Variants in ZNF362 observed in about 807,000 individuals in gnomAD.
The protein encoded by ZNF362 is rotund homolog.
In ZNF362, 11 loss-of-function variants were observed where a neutral mutation model predicts 42.9. That is an observed-to-expected ratio of 0.26 (90% CI 0.16 to 0.42). The LOEUF (loss-of-function observed/expected upper bound fraction) is 0.42, where lower values mean the gene tolerates loss of function less well. ZNF362 is among the 20% of genes least tolerant of loss of function. ZNF362 has a pLI of 1.00. For synonymous variants in ZNF362, 255 were observed against 257.3 expected, an observed-to-expected ratio of 0.99 and a Z score of 0.09; for missense variants, 362 against 576.2, an observed-to-expected ratio of 0.63 and a Z score of 3.81.
the ZNF362 span, among the ~76,000 whole-genome samples, chr1:33,232,578 T>A: frequency 6.6e-6 from 1 of 152,196 alleles, no homozygotes; most frequent in African/African-American, 2.4e-5. Context: ...CATTTTTCAC[T>A]GGACATTGTC....
chr1:33,241,696 A>T, the ZNF362 span, among the ~76,000 whole-genome samples: 2 of 152,180 alleles, frequency 1.3e-5, no homozygotes, highest in Admixed American at 6.5e-5. Context: ...ATCTCAAAGA[A>T]GAGAGTTGAG....
At chr1:33,161,140 T>G in the ZNF362 span, among the ~76,000 whole-genome samples, 1 of 152,162 alleles carries the variant, frequency 6.6e-6, no homozygotes, top group Non-Finnish European at 1.5e-5. The surrounding 1 kb of genome is among the most constrained non-coding windows in gnomAD (Gnocchi z 4.3). Context: ...TGAGGGGGTG[T>G]TGTTGTGCGC....
At chr1:33,182,656 A>C in the ZNF362 span, among the ~76,000 whole-genome samples, 1 of 150,452 alleles carries the variant, frequency 6.6e-6, no homozygotes, top group Non-Finnish European at 1.5e-5. Flanking sequence ...GGGGTGGAGC[A>C]GGAGAGAGGG....
the ZNF362 span, among the ~76,000 whole-genome samples, chr1:33,162,455 A>G: frequency 6.6e-6 from 1 of 152,090 alleles, no homozygotes; most frequent in Admixed American, 6.5e-5. Context: ...ATTGTCCCAC[A>G]TTTTCTGTCT....
At chr1:33,263,924 G>A (rs1016812277) in intron 1 of ZNF362, among the ~76,000 whole-genome samples, 1 of 152,134 alleles carries the variant, frequency 6.6e-6, no homozygotes, top group Non-Finnish European at 1.5e-5. Flanking sequence ...CCTGTTCCCC[G>A]CGAGCCATTT....
At chr1:33,291,058 C>T (rs1335050179) in intron 6 of ZNF362, among the ~76,000 whole-genome samples, 1 of 152,148 alleles carries the variant, frequency 6.6e-6, no homozygotes, top group Non-Finnish European at 1.5e-5. Flanking sequence ...TGCAGAAACT[C>T]TTTAGTTTAA....
chr1:33,174,116 C>G, the ZNF362 span, among the ~76,000 whole-genome samples: 1 of 149,556 alleles, frequency 6.7e-6, no homozygotes, highest in African/African-American at 2.5e-5. Flanking sequence ...TCTTTTCCCC[C>G]CTTTCTTCTT....
chr1:33,279,844 A>C (rs1470574083), intron 4 of ZNF362, among the ~76,000 whole-genome samples: 1 of 152,200 alleles, frequency 6.6e-6, no homozygotes. Flanking sequence ...GTTGCCTCTA[A>C]AATTTTGCTG....
the ZNF362 span, chr1:33,147,475 C>G: frequency 6.2e-7 from 1 of 1,613,934 alleles, no homozygotes; most frequent in Non-Finnish European, 8.5e-7. This position sits in a 1 kb window ranked among gnomAD's most constrained non-coding sequence, Gnocchi z 8.1. Context: ...GATCTGGATG[C>G]TGCCCTTGCG....
chr1:33,218,930 C>G, the ZNF362 span, among the ~76,000 whole-genome samples: 1 of 67,312 alleles, frequency 1.5e-5, no homozygotes, highest in Non-Finnish European at 2.8e-5. Context: ...AGGAGCTGGA[C>G]ATACACACAC....
At chr1:33,272,750 T>C (rs866691992) in intron 2 of ZNF362, among the ~76,000 whole-genome samples, 1 of 152,090 alleles carries the variant, frequency 6.6e-6, no homozygotes, top group Non-Finnish European at 1.5e-5. Context: ...CCTGCCACCT[T>C]CTCACCACCA....
At chr1:33,173,716 A>G in the ZNF362 span, among the ~76,000 whole-genome samples, 6 of 149,766 alleles carry the variant, frequency 4.0e-5, no homozygotes, top group South Asian at 1.3e-3. Flanking sequence ...AAATTTTTTT[A>G]GAGACAAGGG....
At chr1:33,268,694 G>A (rs558265805) in intron 1 of ZNF362, among the ~76,000 whole-genome samples, 1 of 152,282 alleles carries the variant, frequency 6.6e-6, no homozygotes, top group South Asian at 2.1e-4. Flanking sequence ...GCCTGTGGAA[G>A]GTGAGAAGGG....
At position 33,280,449 on chromosome 1, in the gene ZNF362, G is replaced by T. The variant is rs1222019151; in HGVS notation, c.675G>T (p.Lys225Asn). The T allele has an allele frequency of 1.9e-6, 3 of 1,592,464 alleles. No individual in the cohort carries two copies. The Admixed American group carries it at 5.2e-5, about 28-fold the overall frequency. Residue 225 changes from lysine to asparagine, a missense_variant, in exon 5 of 9, where the codon AAG becomes AAT. By Grantham distance (94) the Lys-to-Asn change is moderately conservative. Transcript: ENST00000539719. The surrounding 1 kb of genome is among the most constrained non-coding windows in gnomAD (Gnocchi z 5.6). ...LASGETAKEG[K>N]TYRCKVCPLT... Reference sequence around the variant, plus strand: ...CGGGCGAGACTGCCAAGGAGGGCAAGACGTACAGGTGGGGGTCTTGGCGGG... The same window carrying T: ...CGGGCGAGACTGCCAAGGAGGGCAATACGTACAGGTGGGGGTCTTGGCGGG...
chr1:33,270,749 C>G (rs1176381391), intron 2 of ZNF362, 137 bp downstream of exon 2: 1 of 1,462,082 alleles, frequency 6.8e-7, no homozygotes, highest in Non-Finnish European at 9.1e-7. Flanking sequence ...GAGGTGTGTG[C>G]TTACCCTCCT....
At position 33,281,565 on chromosome 1, in the gene ZNF362, G is replaced by A. The variant is rs746471373; in HGVS notation, c.684-22G>A. ...GACAGTCTGGGGGATCTTCCCACGT[G>A]AACCTGTCTCTTGCTCCGCAGGTGT... On this transcript the variant is annotated intron_variant, in intron 5 of 8. Transcript: ENST00000539719. The surrounding 1 kb of genome is among the most constrained non-coding windows in gnomAD (Gnocchi z 4.8). The A allele has an allele frequency of 3.5e-5, 56 of 1,612,600 alleles. No homozygotes were observed. Among genetic ancestry groups the A allele is most frequent in the South Asian group, 8.8e-5 (8 of 91,062 alleles).
the ZNF362 span, among the ~76,000 whole-genome samples, chr1:33,156,050 C>G: frequency 6.6e-6 from 1 of 152,358 alleles, no homozygotes. Flanking sequence ...TCTACTTTCT[C>G]TGGGCTCCTG....
chr1:33,158,539 T>C, the ZNF362 span, among the ~76,000 whole-genome samples: 73 of 152,344 alleles, frequency 4.8e-4, no homozygotes, highest in South Asian at 1.0e-3. Context: ...TCTCTAACCA[T>C]TCCCTCAGTC....
the ZNF362 span, among the ~76,000 whole-genome samples, chr1:33,140,319 C>T: frequency 1.8e-4 from 27 of 152,234 alleles, 1 homozygote; most frequent in Admixed American, 1.6e-3. The surrounding 1 kb of genome is among the most constrained non-coding windows in gnomAD (Gnocchi z 4.0). Flanking sequence ...GCACAAACCT[C>T]CAGCCTGTCT....
Sources: gnomAD v4.1 joint callset for allele counts (sites outside exome capture counted in the v4.1 genomes callset) on GRCh38, gnomAD v4.1.1 for gene constraint, Gnocchi (gnomAD v3.1) non-coding constraint, MANE v1.5 for transcripts, NCBI Gene and HGNC (gene_info 2026-07-23, HGNC 2026-07-21) for gene names.